Variants in CHRM3 observed in about 807,000 individuals in gnomAD.
CHRM3 encodes the protein cholinergic receptor muscarinic 3, also known as muscarinic acetylcholine receptor M3.
A neutral mutation model predicts 41.8 loss-of-function variants in CHRM3; 11 were observed. That is an observed-to-expected ratio of 0.26 (90% CI 0.17 to 0.44). The LOEUF is 0.44. Among genes scored for constraint, CHRM3 ranks in the 20% least tolerant of loss-of-function variants. CHRM3 has a pLI of 1.00. For missense variants in CHRM3, 571 were observed against 745.4 expected (o/e 0.77, Z 2.72); for synonymous variants, 297 against 301.4 (o/e 0.99, Z 0.15).
At chr1:239,830,280 T>TATATTA (rs1233537742) in intron 6 of CHRM3, among the ~76,000 whole-genome samples, 1 of 152,192 alleles carries the variant, frequency 6.6e-6, no homozygotes, top group Non-Finnish European at 1.5e-5. Flanking sequence ...TGCTAGAAAA[T>TATATTA]ATATTAATAT....
At chr1:239,445,959 A>T (rs1664096573) in intron 1 of CHRM3, among the ~76,000 whole-genome samples, 1 of 151,186 alleles carries the variant, frequency 6.6e-6, no homozygotes, top group Non-Finnish European at 1.5e-5. Context: ...TTTTTTTGAG[A>T]CAGAGTCTCG....
intron 5 of CHRM3, among the ~76,000 whole-genome samples, chr1:239,798,381 G>A (rs1421709253): frequency 1.3e-5 from 2 of 152,090 alleles, no homozygotes; most frequent in Non-Finnish European, 1.5e-5. Context: ...CATTGTTCAA[G>A]GTTCAATTGT....
intron 2 of CHRM3, among the ~76,000 whole-genome samples, chr1:239,512,084 T>A (rs1041713822): frequency 4.2e-4 from 64 of 151,916 alleles, no homozygotes; most frequent in African/African-American, 1.5e-3. Flanking sequence ...CAGCCTAGAG[T>A]TGAAGGATTG....
intron 5 of CHRM3, among the ~76,000 whole-genome samples, chr1:239,716,273 GT>G (rs1181177691): frequency 6.6e-6 from 1 of 152,100 alleles, no homozygotes; most frequent in African/African-American, 2.4e-5. Flanking sequence ...GAAATACAAA[GT>G]CGGTAGAGTT....
chr1:239,508,260 G>A (rs1305136344), intron 2 of CHRM3, among the ~76,000 whole-genome samples: 1 of 152,142 alleles, frequency 6.6e-6, no homozygotes, highest in Non-Finnish European at 1.5e-5. Flanking sequence ...ATGAAGCTAG[G>A]TGGTTCTGTA....
intron 1 of CHRM3, among the ~76,000 whole-genome samples, chr1:239,459,132 G>A (rs1665172366): frequency 6.6e-6 from 1 of 152,124 alleles, no homozygotes; most frequent in South Asian, 2.1e-4. Flanking sequence ...TTGTAACACA[G>A]ACCAGTGGCT....
At chr1:239,815,457 T>G (rs773067556) in intron 5 of CHRM3, among the ~76,000 whole-genome samples, 1 of 152,248 alleles carries the variant, frequency 6.6e-6, no homozygotes. Context: ...CCTTTTTCTC[T>G]GATTTCATAA....
rs1298733183 is a variant in CHRM3 at position 239,637,376 on chromosome 1, G to A, written c.-250+5090G>A. Among the ~76,000 whole-genome samples the A allele has an allele frequency of 2.0e-5, 3 of 151,978 alleles. No homozygotes were observed. In the East Asian group the frequency reaches 5.8e-4, roughly 29 times the overall value. On this transcript the variant is annotated intron_variant, in intron 4 of 6. Coordinates refer to ENST00000676153, the MANE Select transcript of CHRM3 (RefSeq NM_001375978.1). ...CGTTAAAAATTTTAATATTGATGAA[G>A]ATCATTGTTAATAACTTTCTACACA... is the stretch of plus-strand genomic sequence containing the variant.
intron 1 of CHRM3, among the ~76,000 whole-genome samples, chr1:239,416,178 T>G (rs1034839790): frequency 6.6e-6 from 1 of 152,220 alleles, no homozygotes; most frequent in Non-Finnish European, 1.5e-5. Context: ...ATAGGTTGAT[T>G]TTTATTAAAT....
intron 3 of CHRM3, among the ~76,000 whole-genome samples, chr1:239,617,383 A>C (rs1216135656): frequency 1.3e-5 from 2 of 152,172 alleles, no homozygotes; most frequent in Admixed American, 6.5e-5. Flanking sequence ...TTAGTCACTT[A>C]TCAGTTAAAA....
At chr1:239,729,906 C>A (rs563721800) in intron 5 of CHRM3, among the ~76,000 whole-genome samples, 48 of 151,948 alleles carry the variant, frequency 3.2e-4, no homozygotes, top group Middle Eastern at 6.8e-3. Context: ...AGTAAAATAT[C>A]CACAATTATC....
intron 2 of CHRM3, among the ~76,000 whole-genome samples, chr1:239,525,818 G>T (rs550247648): frequency 9.9e-4 from 151 of 152,298 alleles, no homozygotes; most frequent in African/African-American, 3.5e-3. Flanking sequence ...AGATGTAAAT[G>T]CTTTCCACAG....
chr1:239,455,145 G>A (rs945216389), intron 1 of CHRM3, among the ~76,000 whole-genome samples: 6 of 152,044 alleles, frequency 3.9e-5, no homozygotes, highest in Admixed American at 2.6e-4. Flanking sequence ...TCTGCCACCC[G>A]GGTTCAAGCA....
At chr1:239,759,052 T>G (rs1666472529) in intron 5 of CHRM3, among the ~76,000 whole-genome samples, 1 of 152,098 alleles carries the variant, frequency 6.6e-6, no homozygotes. Context: ...TCCACAGTGT[T>G]GGAAGTCAAG....
chr1:239,859,646 C>A (rs1351448139), intron 6 of CHRM3, among the ~76,000 whole-genome samples: 2 of 151,262 alleles, frequency 1.3e-5, no homozygotes, highest in Non-Finnish European at 1.5e-5. Context: ...AAACTCCTGA[C>A]CTCAAGTGAT....
intron 1 of CHRM3, among the ~76,000 whole-genome samples, chr1:239,470,216 A>G (rs916240855): frequency 6.6e-6 from 1 of 152,156 alleles, no homozygotes; most frequent in African/African-American, 2.4e-5. Context: ...ATGGAAGCCT[A>G]TAGTGATGCT....
At chr1:239,851,874 G>A (rs527771300) in intron 6 of CHRM3, among the ~76,000 whole-genome samples, 24 of 152,080 alleles carry the variant, frequency 1.6e-4, no homozygotes, top group Admixed American at 2.0e-4. Context: ...CTATCATCTC[G>A]TAGAACTGGG....
At chr1:239,590,432 AAACAAGTACATTTGGGAACC>A (rs1476068911) in intron 3 of CHRM3, among the ~76,000 whole-genome samples, 1 of 152,224 alleles carries the variant, frequency 6.6e-6, no homozygotes, top group African/African-American at 2.4e-5. Context: ...TACAGATATG[AAACAAGTACATTTGGGAACC>A]AAAGGAAATA....
intron 4 of CHRM3, among the ~76,000 whole-genome samples, chr1:239,662,935 T>TTCTC (rs1673402233): frequency 4.3e-5 from 1 of 23,068 alleles, no homozygotes; most frequent in African/African-American, 2.9e-4. Flanking sequence ...CTTCTTCTCC[T>TTCTC]CTTCTTCTTC....
Sources: gnomAD v4.1 joint callset for allele counts (sites outside exome capture counted in the v4.1 genomes callset) on GRCh38, gnomAD v4.1.1 for gene constraint, MANE v1.5 for transcripts, NCBI Gene and HGNC (gene_info 2026-07-23, HGNC 2026-07-21) for gene names.